The following PDE4B variants were observed in gnomAD, a reference collection of about 807,000 sequenced individuals.
PDE4B encodes the protein 3',5'-cyclic-AMP phosphodiesterase 4B.
Under a neutral mutation model 82.2 loss-of-function variants are expected in PDE4B, and 20 were observed. The observed-to-expected ratio is 0.24, with a 90% confidence interval of 0.17 to 0.35. The LOEUF (loss-of-function observed/expected upper bound fraction) is 0.35. PDE4B is among the 10% of genes least tolerant of loss of function. PDE4B has a pLI of 1.00. For synonymous variants in PDE4B, 320 were observed against 318.9 expected (o/e 1.00, Z -0.04); for missense variants, 655 against 907.2 (o/e 0.72, Z 3.57).
At chr1:65,908,776 A>G (rs1647055349) in intron 1 of PDE4B, among the ~76,000 whole-genome samples, 1 of 151,738 alleles carries the variant, frequency 6.6e-6, no homozygotes, top group Non-Finnish European at 1.5e-5. Flanking sequence ...CCGTTACAGG[A>G]AGGGCCTCAT....
At chr1:66,345,140 T>A (rs923368988) in intron 8 of PDE4B, among the ~76,000 whole-genome samples, 1 of 152,100 alleles carries the variant, frequency 6.6e-6, no homozygotes, top group African/African-American at 2.4e-5. Context: ...TCGGGAAAGA[T>A]AACCGATTTG....
intron 3 of PDE4B, among the ~76,000 whole-genome samples, chr1:66,173,019 C>G (rs900343623): frequency 6.6e-6 from 1 of 152,096 alleles, no homozygotes; most frequent in African/African-American, 2.4e-5. Context: ...GATTATAAAT[C>G]AGCATGTTAA....
chr1:65,956,778 T>C (rs1179354016), intron 3 of PDE4B, among the ~76,000 whole-genome samples: 2 of 152,104 alleles, frequency 1.3e-5, no homozygotes, highest in Non-Finnish European at 2.9e-5. Context: ...GAGACAGTCA[T>C]TGGTGTGATT....
At chr1:66,109,788 A>G (rs1457061268) in intron 3 of PDE4B, among the ~76,000 whole-genome samples, 1 of 151,914 alleles carries the variant, frequency 6.6e-6, no homozygotes, top group Non-Finnish European at 1.5e-5. Context: ...TAATGTACCC[A>G]TCACCCAAAT....
At chr1:66,180,698 G>T (rs1358143103) in intron 3 of PDE4B, among the ~76,000 whole-genome samples, 1 of 152,160 alleles carries the variant, frequency 6.6e-6, no homozygotes, top group African/African-American at 2.4e-5. Context: ...CCGACCACTG[G>T]CAGATAAAAC....
At chr1:65,887,873 A>G (rs1392610507) in intron 1 of PDE4B, among the ~76,000 whole-genome samples, 2 of 152,080 alleles carry the variant, frequency 1.3e-5, no homozygotes, top group African/African-American at 4.8e-5. Context: ...AATAGTTTGC[A>G]AATAGATTAT....
chr1:65,917,297 G>A (rs1647173351), intron 2 of PDE4B, among the ~76,000 whole-genome samples: 1 of 152,164 alleles, frequency 6.6e-6, no homozygotes, highest in African/African-American at 2.4e-5. Flanking sequence ...AAAGAACTTT[G>A]TTTAAACTTT....
intron 3 of PDE4B, among the ~76,000 whole-genome samples, chr1:66,187,928 G>A (rs1410040215): frequency 6.6e-6 from 1 of 150,856 alleles, no homozygotes; most frequent in Admixed American, 6.6e-5. Flanking sequence ...TGTGATGTTG[G>A]GGTGTCAATT....
At chr1:66,239,775 A>G (rs1652738508) in intron 3 of PDE4B, among the ~76,000 whole-genome samples, 1 of 152,228 alleles carries the variant, frequency 6.6e-6, no homozygotes, top group Non-Finnish European at 1.5e-5. Flanking sequence ...ATACTTAACA[A>G]TTTCAGTAGA....
At chr1:66,221,514 A>G (rs573384292) in intron 3 of PDE4B, among the ~76,000 whole-genome samples, 32 of 152,324 alleles carry the variant, frequency 2.1e-4, no homozygotes, top group African/African-American at 6.7e-4. Flanking sequence ...CTTTGCAGCA[A>G]CACTCTGAAA....
chr1:66,189,073 C>T (rs1457645710), intron 3 of PDE4B, among the ~76,000 whole-genome samples: 14 of 151,168 alleles, frequency 9.3e-5, no homozygotes, highest in South Asian at 4.2e-4. Context: ...ATAAGTATTT[C>T]ATTTCTCCTT....
At chr1:65,966,749 C>T (rs554582053) in intron 3 of PDE4B, among the ~76,000 whole-genome samples, 32 of 150,862 alleles carry the variant, frequency 2.1e-4, no homozygotes, top group Admixed American at 1.3e-4. Context: ...TGCCATAATC[C>T]GATCTTTGAC....
intron 1 of PDE4B, among the ~76,000 whole-genome samples, chr1:65,794,918 GTTTC>G (rs1645613802): frequency 6.6e-6 from 1 of 152,080 alleles, no homozygotes; most frequent in Admixed American, 6.5e-5. Context: ...TTGCTTTTCA[GTTTC>G]TTTATGGCTT....
chr1:66,058,807 G>A (rs997607191), intron 3 of PDE4B, among the ~76,000 whole-genome samples: 2 of 152,226 alleles, frequency 1.3e-5, no homozygotes, highest in Non-Finnish European at 2.9e-5. Context: ...GTAAAGGAAG[G>A]GGAGGGGCTG....
intron 1 of PDE4B, among the ~76,000 whole-genome samples, chr1:65,853,567 G>A (rs1364250148): frequency 1.4e-5 from 2 of 146,838 alleles, no homozygotes; most frequent in African/African-American, 2.5e-5. Flanking sequence ...GTCTCACTCT[G>A]TCGCCAGGCT....
At chr1:66,105,771 A>G (rs1645338164) in intron 3 of PDE4B, among the ~76,000 whole-genome samples, 1 of 151,886 alleles carries the variant, frequency 6.6e-6, no homozygotes, top group Non-Finnish European at 1.5e-5. Context: ...AATGCTTGTG[A>G]TTTTTGTACA....
intron 1 of PDE4B, among the ~76,000 whole-genome samples, chr1:65,908,368 A>C (rs1336448637): frequency 1.3e-5 from 2 of 152,130 alleles, no homozygotes; most frequent in African/African-American, 4.8e-5. Flanking sequence ...ATTTAGAATG[A>C]TTGGCTTGGG....
At chr1:65,857,116 C>G (rs1646402661) in intron 1 of PDE4B, among the ~76,000 whole-genome samples, 1 of 152,202 alleles carries the variant, frequency 6.6e-6, no homozygotes, top group African/African-American at 2.4e-5. Context: ...TTACAACCTG[C>G]ACCCACACCT....
chr1:66,276,974 T>A (rs951884731), intron 7 of PDE4B, among the ~76,000 whole-genome samples: 1 of 152,238 alleles, frequency 6.6e-6, no homozygotes, highest in African/African-American at 2.4e-5. Context: ...AGTGTTTAAC[T>A]ATTATGATCA....
Sources: allele counts gnomAD v4.1 joint callset (sites outside exome capture counted in the v4.1 genomes callset), GRCh38; gene constraint gnomAD v4.1.1; transcripts MANE v1.5; gene names NCBI Gene and HGNC (gene_info 2026-07-23, HGNC 2026-07-21).